LIN52: variants seen among roughly 807,000 people sequenced by gnomAD.
LIN52 encodes the protein lin-52 DREAM MuvB core complex component.
Under a neutral mutation model 18.5 loss-of-function variants are expected in LIN52, and 4 were observed. The observed-to-expected ratio is 0.22, with a 90% CI of 0.11 to 0.49. LIN52 has a LOEUF of 0.49. LIN52 is among the 20% of genes least tolerant of loss of function. LIN52 has a pLI of 0.97. For synonymous variants in LIN52, 34 were observed against 45.5 expected, an observed-to-expected ratio of 0.75 and a Z score of 1.02; for missense variants, 102 against 139.5, an observed-to-expected ratio of 0.73 and a Z score of 1.35.
intron 5 of LIN52, among the ~76,000 whole-genome samples, chr14:74,151,375 G>C (rs759664266): frequency 3.3e-5 from 5 of 152,146 alleles, no homozygotes; most frequent in African/African-American, 4.8e-5. Context: ...AGAACCCTTG[G>C]AAAGGATTTG....
intron 5 of LIN52, among the ~76,000 whole-genome samples, chr14:74,158,873 C>T (rs2024246): frequency 0.11 from 17,000 of 152,290 alleles, 1,246 homozygotes; most frequent in Admixed American, 0.19. Flanking sequence ...TGCTATTACT[C>T]AAAGCCAAAT....
chr14:74,087,413 C>CAAAA (rs59052804), intron 1 of LIN52, among the ~76,000 whole-genome samples: 3 of 100,232 alleles, frequency 3.0e-5, no homozygotes, highest in Non-Finnish European at 4.0e-5. Flanking sequence ...GACTCCATTG[C>CAAAA]AAAAAAAAAA....
At chr14:74,191,080 G>A (rs915934856) in intron 5 of LIN52, among the ~76,000 whole-genome samples, 3 of 152,254 alleles carry the variant, frequency 2.0e-5, no homozygotes, top group Non-Finnish European at 4.4e-5. Flanking sequence ...GTGGTGAAGA[G>A]TCAGTCTGGC....
intron 5 of LIN52, among the ~76,000 whole-genome samples, chr14:74,110,638 C>G (rs1355253878): frequency 6.6e-6 from 1 of 151,358 alleles, no homozygotes; most frequent in Admixed American, 6.6e-5. Context: ...CCACTGCACT[C>G]CAGCCTGGGT....
At chr14:74,192,411 G>A (rs2078883452) in intron 5 of LIN52, among the ~76,000 whole-genome samples, 1 of 151,980 alleles carries the variant, frequency 6.6e-6, no homozygotes, top group Non-Finnish European at 1.5e-5. Flanking sequence ...TCAGCCTCCC[G>A]AGTAGCTGGG....
chr14:74,188,402 T>A (rs906402402), intron 5 of LIN52, among the ~76,000 whole-genome samples: 2 of 152,062 alleles, frequency 1.3e-5, no homozygotes, highest in African/African-American at 4.8e-5. Flanking sequence ...TGGGCCTCAG[T>A]GTTTGTTGGA....
At chr14:74,189,378 C>T (rs1281626640) in intron 5 of LIN52, among the ~76,000 whole-genome samples, 1 of 152,176 alleles carries the variant, frequency 6.6e-6, no homozygotes, top group African/African-American at 2.4e-5. Flanking sequence ...GCTCTGATCT[C>T]ATTGCCTTTC....
At chr14:74,159,021 C>T (rs2061212944) in intron 5 of LIN52, among the ~76,000 whole-genome samples, 2 of 152,150 alleles carry the variant, frequency 1.3e-5, no homozygotes, top group African/African-American at 4.8e-5. Context: ...AGAGCTCTTT[C>T]CAACACAGGG....
intron 4 of LIN52, among the ~76,000 whole-genome samples, chr14:74,099,656 G>A (rs1007553089): frequency 6.6e-5 from 10 of 151,868 alleles, no homozygotes; most frequent in Admixed American, 6.6e-4. Flanking sequence ...CAGTCTCCCC[G>A]AGAATTTGGG....
chr14:74,183,659 A>G (rs547783825), intron 5 of LIN52, among the ~76,000 whole-genome samples: 9 of 152,264 alleles, frequency 5.9e-5, no homozygotes, highest in Admixed American at 2.0e-4. Context: ...CTGTGTACCC[A>G]TCCCCAGCTT....
At chr14:74,159,965 A>C (rs1595179498) in intron 5 of LIN52, among the ~76,000 whole-genome samples, 1 of 152,194 alleles carries the variant, frequency 6.6e-6, no homozygotes. Flanking sequence ...GTGTGTGTAC[A>C]TGTATAATTT....
At chr14:74,123,036 A>G (rs1373045657) in intron 5 of LIN52, among the ~76,000 whole-genome samples, 1 of 152,160 alleles carries the variant, frequency 6.6e-6, no homozygotes, top group Non-Finnish European at 1.5e-5. Context: ...TTATTTATAA[A>G]ACTCTTAGCT....
At chr14:74,109,979 G>A (rs2060917059) in intron 5 of LIN52, among the ~76,000 whole-genome samples, 1 of 152,102 alleles carries the variant, frequency 6.6e-6, no homozygotes, top group Non-Finnish European at 1.5e-5. Flanking sequence ...AGAAATCCCA[G>A]TACAGTGTTG....
intron 2 of LIN52, among the ~76,000 whole-genome samples, chr14:74,093,143 C>A (rs2060784610): frequency 6.6e-6 from 1 of 151,220 alleles, no homozygotes; most frequent in South Asian, 2.1e-4. Flanking sequence ...GTACAGACGG[C>A]TTTTCACCAA....
chr14:74,117,973 A>C (rs1008713454), intron 5 of LIN52, among the ~76,000 whole-genome samples: 3 of 152,362 alleles, frequency 2.0e-5, no homozygotes. Flanking sequence ...TTGTTTTCTC[A>C]GGTGTAGTTG....
intron 5 of LIN52, among the ~76,000 whole-genome samples, chr14:74,177,514 A>G (rs982795689): frequency 6.6e-6 from 1 of 152,248 alleles, no homozygotes; most frequent in African/African-American, 2.4e-5. Flanking sequence ...TCACTCAACC[A>G]TTCATTAGTC....
chr14:74,112,470 TGC>T (rs2060935765), intron 5 of LIN52, among the ~76,000 whole-genome samples: 1 of 152,164 alleles, frequency 6.6e-6, no homozygotes, highest in Non-Finnish European at 1.5e-5. Flanking sequence ...TTTTTATATC[TGC>T]ATATAAGACC....
chr14:74,110,832 G>C lies in LIN52; in HGVS notation c.283+9594G>C, dbSNP rs369056457. Among the ~76,000 whole-genome samples the C allele has an allele frequency of 5.3e-5, 8 of 151,770 alleles. No individual in the cohort carries two copies. In the South Asian group the frequency reaches 1.7e-3, roughly 32 times the overall value. ...ACAAAAAAAGTTAGCCGGGCGTGGT[G>C]GTGGGCACCTGTAGTCCCAGCAACT... On this transcript the variant is annotated intron_variant, in intron 5 of 5. Coordinates refer to ENST00000555028, the MANE Select transcript of LIN52 (RefSeq NM_001024674.3).
chr14:74,171,736 C>CTT (rs534860812), intron 5 of LIN52, among the ~76,000 whole-genome samples: 16,407 of 121,526 alleles, frequency 0.14, 2,105 homozygotes, highest in East Asian at 0.53. Context: ...TATTTTAATT[C>CTT]TTTTTTTTTT....
Sources: gnomAD v4.1 joint callset for allele counts (sites outside exome capture counted in the v4.1 genomes callset) on GRCh38, gnomAD v4.1.1 for gene constraint, MANE v1.5 for transcripts, NCBI Gene and HGNC (gene_info 2026-07-23, HGNC 2026-07-21) for gene names.